Variants in WWOX observed in about 807,000 individuals in gnomAD.
The protein encoded by WWOX is WW domain containing oxidoreductase.
A neutral mutation model predicts 46.2 loss-of-function variants in WWOX; 69 were observed. The ratio of observed to expected loss-of-function variants is 1.49; its 90% CI spans 1.23 to 1.82. The LOEUF is 1.82. WWOX is among the 40% of genes most tolerant of loss of function. The pLI, the probability that WWOX is intolerant of heterozygous loss-of-function variation, is 0.00. For missense variants in WWOX, 919 were observed against 542.6 expected, an observed-to-expected ratio of 1.69 and a Z score of -6.89; for synonymous variants, 359 against 202.6, an observed-to-expected ratio of 1.77 and a Z score of -6.56.
At chr16:78,734,576 C>G (rs1044593770) in intron 8 of WWOX, among the ~76,000 whole-genome samples, 6 of 152,218 alleles carry the variant, frequency 3.9e-5, no homozygotes, top group Admixed American at 2.0e-4. Context: ...TTATGTGTAA[C>G]TGAACCTGAT....
intron 8 of WWOX, among the ~76,000 whole-genome samples, chr16:78,796,982 T>G (rs1412451513): frequency 6.6e-6 from 1 of 152,064 alleles, no homozygotes; most frequent in Non-Finnish European, 1.5e-5. Flanking sequence ...TGAGCCACCA[T>G]GCCTGGCTAA....
At chr16:78,757,201 C>T (rs1215548410) in intron 8 of WWOX, among the ~76,000 whole-genome samples, 1 of 152,138 alleles carries the variant, frequency 6.6e-6, no homozygotes, top group Non-Finnish European at 1.5e-5. Flanking sequence ...ATTATTGTTT[C>T]AGCCCACTTA....
chr16:78,717,658 G>C (rs1402495215), intron 8 of WWOX, among the ~76,000 whole-genome samples: 3 of 152,194 alleles, frequency 2.0e-5, no homozygotes, highest in African/African-American at 2.4e-5. Context: ...TGGAATGAAA[G>C]AGGGGTTTTC....
chr16:79,039,727 G>A (rs1464627312), intron 8 of WWOX, among the ~76,000 whole-genome samples: 1 of 152,198 alleles, frequency 6.6e-6, no homozygotes, highest in East Asian at 1.9e-4. Context: ...ATGGAAGCAG[G>A]AGAGCCTGGG....
chr16:78,761,664 G>C (rs1216321015), intron 8 of WWOX, among the ~76,000 whole-genome samples: 1 of 152,114 alleles, frequency 6.6e-6, no homozygotes, highest in Non-Finnish European at 1.5e-5. Context: ...ACCCGGTTGA[G>C]TCTGACAAGA....
chr16:78,394,354 A>G (rs1243125197), intron 6 of WWOX, among the ~76,000 whole-genome samples: 1 of 152,124 alleles, frequency 6.6e-6, no homozygotes, highest in African/African-American at 2.4e-5. Context: ...TTTTAAGGAA[A>G]ATTTTGAAAA....
intron 8 of WWOX, among the ~76,000 whole-genome samples, chr16:78,766,315 G>C (rs559736700): frequency 2.6e-5 from 4 of 152,274 alleles, no homozygotes; most frequent in East Asian, 3.9e-4. Flanking sequence ...GTGCAGAGGA[G>C]ACCGGGCATG....
intron 5 of WWOX, among the ~76,000 whole-genome samples, chr16:78,365,853 A>C (rs192109140): frequency 1.3e-5 from 2 of 152,124 alleles, no homozygotes; most frequent in Non-Finnish European, 2.9e-5. Context: ...TAAAGAGGAA[A>C]GTGTATAGTT....
At chr16:79,057,844 C>T (rs1440645821) in intron 8 of WWOX, among the ~76,000 whole-genome samples, 2 of 152,178 alleles carry the variant, frequency 1.3e-5, no homozygotes, top group Admixed American at 1.3e-4. Context: ...TCCATTTACT[C>T]ACCTGTTGTA....
At chr16:78,970,629 G>T (rs545018527) in intron 8 of WWOX, among the ~76,000 whole-genome samples, 1 of 152,296 alleles carries the variant, frequency 6.6e-6, no homozygotes, top group South Asian at 2.1e-4. Flanking sequence ...AGCTAACAAA[G>T]ATTATAGTGT....
intron 8 of WWOX, among the ~76,000 whole-genome samples, chr16:78,459,254 G>A (rs1333700621): frequency 1.3e-5 from 2 of 152,228 alleles, no homozygotes; most frequent in Non-Finnish European, 2.9e-5. Context: ...AGTTCACACT[G>A]AAAGAGAGTG....
At chr16:78,394,759 A>G (rs1375652860) in intron 6 of WWOX, among the ~76,000 whole-genome samples, 3 of 152,228 alleles carry the variant, frequency 2.0e-5, no homozygotes, top group African/African-American at 4.8e-5. Context: ...CAGTGTTGCA[A>G]TAAAACTTTA....
chr16:78,507,337 T>A (rs1246894385), intron 8 of WWOX, among the ~76,000 whole-genome samples: 1 of 152,182 alleles, frequency 6.6e-6, no homozygotes, highest in Non-Finnish European at 1.5e-5. Context: ...CAATGCTTAT[T>A]TTAAGCAACT....
chr16:78,590,012 C>G (rs959404539), intron 8 of WWOX, among the ~76,000 whole-genome samples: 1 of 152,110 alleles, frequency 6.6e-6, no homozygotes, highest in Non-Finnish European at 1.5e-5. Context: ...TTTTGTGTTG[C>G]TTCTTACGTG....
intron 8 of WWOX, among the ~76,000 whole-genome samples, chr16:78,704,593 G>A (rs1156468467): frequency 6.6e-6 from 1 of 152,142 alleles, no homozygotes; most frequent in African/African-American, 2.4e-5. Context: ...ATTTCCATTA[G>A]GAGATTTGCA....
At chr16:78,257,557 C>T (rs111810987) in intron 5 of WWOX, among the ~76,000 whole-genome samples, 113 of 152,248 alleles carry the variant, frequency 7.4e-4, no homozygotes, top group African/African-American at 2.6e-3. Context: ...CAGGGAGCTC[C>T]GTGGGAGGCA....
intron 8 of WWOX, among the ~76,000 whole-genome samples, chr16:79,111,301 T>G (rs1364147205): frequency 6.6e-6 from 1 of 152,256 alleles, no homozygotes; most frequent in East Asian, 1.9e-4. Context: ...TCTCATTGTT[T>G]CTCTGTCATG....
intron 8 of WWOX, among the ~76,000 whole-genome samples, chr16:78,516,377 T>G (rs1459875114): frequency 6.6e-6 from 1 of 152,166 alleles, no homozygotes; most frequent in Admixed American, 6.5e-5. Context: ...GAGAACCCAC[T>G]TCTTCTAATA....
intron 8 of WWOX, among the ~76,000 whole-genome samples, chr16:78,952,912 G>C (rs1397219684): frequency 6.6e-6 from 1 of 152,148 alleles, no homozygotes; most frequent in Non-Finnish European, 1.5e-5. Context: ...AGGAATCAAA[G>C]GGAAACCTGA....
Sources: allele counts gnomAD v4.1 joint callset (sites outside exome capture counted in the v4.1 genomes callset), GRCh38; gene constraint gnomAD v4.1.1; transcripts MANE v1.5; gene names NCBI Gene and HGNC (gene_info 2026-07-23, HGNC 2026-07-21).